Variants in MACROD2 observed in about 807,000 individuals in gnomAD.
MACROD2 encodes the protein ADP-ribose glycohydrolase MACROD2.
MACROD2 carries 36 observed loss-of-function variants against 70.4 expected under a neutral mutation model. The ratio of observed to expected loss-of-function variants is 0.51; its 90% CI spans 0.39 to 0.68. The LOEUF is 0.68. Among genes scored for constraint, MACROD2 ranks in the 30% least tolerant of loss-of-function variants. MACROD2 has a pLI of 0.00. For missense variants in MACROD2, 496 were observed against 538.4 expected (o/e 0.92, Z 0.78); for synonymous variants, 172 against 178.8 (o/e 0.96, Z 0.30).
intron 7 of MACROD2, among the ~76,000 whole-genome samples, chr20:15,481,805 C>T (rs2047102017): frequency 6.6e-6 from 1 of 152,180 alleles, no homozygotes; most frequent in African/African-American, 2.4e-5. Context: ...GGTGACTATG[C>T]AGAAATAAAT....
chr20:15,554,354 C>T (rs1281938719), intron 8 of MACROD2, among the ~76,000 whole-genome samples: 1 of 152,012 alleles, frequency 6.6e-6, no homozygotes, highest in East Asian at 1.9e-4. Flanking sequence ...TTTCTCTCTG[C>T]CCACAAAGGA....
chr20:15,409,689 A>G (rs1258418620), intron 6 of MACROD2, among the ~76,000 whole-genome samples: 1 of 152,194 alleles, frequency 6.6e-6, no homozygotes, highest in African/African-American at 2.4e-5. Flanking sequence ...GCATTATTAA[A>G]CAAGTTCCTA....
chr20:15,513,882 A>C (rs979633211), intron 8 of MACROD2, among the ~76,000 whole-genome samples: 2 of 152,218 alleles, frequency 1.3e-5, no homozygotes, highest in Non-Finnish European at 2.9e-5. Context: ...TGATCTCATA[A>C]GATTCTAATG....
chr20:15,968,796 CG>C (rs2066181738), intron 13 of MACROD2, among the ~76,000 whole-genome samples: 1 of 50,224 alleles, frequency 2.0e-5, no homozygotes, highest in Non-Finnish European at 4.3e-5. Context: ...ATATATTATG[CG>C]TATATATATA....
intron 3 of MACROD2, among the ~76,000 whole-genome samples, chr20:14,318,776 G>A (rs1024402807): frequency 6.6e-6 from 1 of 152,094 alleles, no homozygotes; most frequent in Non-Finnish European, 1.5e-5. Context: ...CCTGTTTCAT[G>A]TCTGTTTCTT....
At chr20:15,729,776 G>GGGT (rs1176474162) in intron 8 of MACROD2, among the ~76,000 whole-genome samples, 2 of 145,766 alleles carry the variant, frequency 1.4e-5, no homozygotes, top group African/African-American at 5.1e-5. Context: ...TTGAGCCTAT[G>GGGT]GGTGTCATTG....
At chr20:15,811,354 C>T (rs372925399) in intron 8 of MACROD2, among the ~76,000 whole-genome samples, 3,004 of 151,782 alleles carry the variant, frequency 0.02, 118 homozygotes, top group African/African-American at 0.068. Context: ...TCATCACTGG[C>T]CATCAGAGAA....
chr20:14,172,648 T>G (rs1337874624), intron 3 of MACROD2, among the ~76,000 whole-genome samples: 1 of 152,200 alleles, frequency 6.6e-6, no homozygotes, highest in Non-Finnish European at 1.5e-5. Context: ...GACATTTTCA[T>G]TCAACATTAG....
chr20:14,327,052 T>C (rs1271317208), intron 3 of MACROD2: 3 of 1,613,646 alleles, frequency 1.9e-6, no homozygotes, highest in Admixed American at 1.7e-5. Flanking sequence ...ATAGTTGCTG[T>C]CTCGGAATGC....
chr20:14,864,838 A>G (rs1600742924), intron 5 of MACROD2, among the ~76,000 whole-genome samples: 2 of 152,148 alleles, frequency 1.3e-5, no homozygotes, highest in African/African-American at 4.8e-5. Context: ...CTGTGCTATC[A>G]GTGTCAATGT....
chr20:14,381,902 G>C (rs867835318), intron 3 of MACROD2, among the ~76,000 whole-genome samples: 7 of 152,242 alleles, frequency 4.6e-5, no homozygotes, highest in Middle Eastern at 3.4e-3. Flanking sequence ...AGACAGATAA[G>C]AGAGACACTT....
intron 3 of MACROD2, among the ~76,000 whole-genome samples, chr20:14,239,347 A>G (rs528731318): frequency 9.9e-5 from 15 of 152,238 alleles, no homozygotes; most frequent in Middle Eastern, 3.2e-3. Flanking sequence ...TACCAATGAC[A>G]TTCTTCAACG....
intron 5 of MACROD2, among the ~76,000 whole-genome samples, chr20:14,930,315 T>C (rs1357076615): frequency 5.3e-5 from 8 of 152,186 alleles, no homozygotes; most frequent in African/African-American, 1.9e-4. Flanking sequence ...TTCACAAACC[T>C]TGTTGTCAAT....
chr20:15,153,692 TAAAAC>T (rs889394551), intron 5 of MACROD2, among the ~76,000 whole-genome samples: 1 of 152,122 alleles, frequency 6.6e-6, no homozygotes, highest in Non-Finnish European at 1.5e-5. Context: ...TGTGAAGCCT[TAAAAC>T]AAAGAAAAAT....
At chr20:15,346,768 A>G (rs559943842) in intron 6 of MACROD2, among the ~76,000 whole-genome samples, 25 of 152,344 alleles carry the variant, frequency 1.6e-4, no homozygotes, top group African/African-American at 6.0e-4. Flanking sequence ...TAATAGGTTA[A>G]TTCTCTCCGT....
chr20:15,541,998 C>A (rs146964645), intron 8 of MACROD2, among the ~76,000 whole-genome samples: 31 of 152,324 alleles, frequency 2.0e-4, no homozygotes, highest in African/African-American at 7.5e-4. Context: ...TATCTTTAGG[C>A]AGAGGCATCC....
At chr20:15,689,804 A>G (rs1663903359) in intron 8 of MACROD2, among the ~76,000 whole-genome samples, 1 of 152,136 alleles carries the variant, frequency 6.6e-6, no homozygotes, top group South Asian at 2.1e-4. Context: ...GAACTCTCTA[A>G]TGGTTGGTGA....
chr20:14,620,691 G>A (rs528988910), intron 4 of MACROD2, among the ~76,000 whole-genome samples: 1 of 152,144 alleles, frequency 6.6e-6, no homozygotes, highest in South Asian at 2.1e-4. Flanking sequence ...GCAGGATGTG[G>A]TTGGGCTGTC....
At chr20:14,140,821 G>T (rs1366880684) in intron 3 of MACROD2, among the ~76,000 whole-genome samples, 1 of 152,088 alleles carries the variant, frequency 6.6e-6, no homozygotes. Context: ...GGTATCGGCC[G>T]AGAGAGAGGC....
Sources: gnomAD v4.1 joint callset for allele counts (sites outside exome capture counted in the v4.1 genomes callset) on GRCh38, gnomAD v4.1.1 for gene constraint, MANE v1.5 for transcripts, NCBI Gene and HGNC (gene_info 2026-07-23, HGNC 2026-07-21) for gene names.